DIS3L2: variants seen among roughly 807,000 people sequenced by gnomAD.
The protein encoded by DIS3L2 is DIS3-like exonuclease 2.
In DIS3L2, 34 loss-of-function variants were observed where a neutral mutation model predicts 97.5. That is an observed-to-expected ratio of 0.35 (90% CI 0.27 to 0.46). The LOEUF is 0.46. Ranked by LOEUF, DIS3L2 falls within the 20% of genes least tolerant of loss-of-function variation. The probability of loss-of-function intolerance (pLI) is 1.00; values close to 1 mark genes in which losing one functional copy is unlikely to be tolerated. For missense variants in DIS3L2, 1,038 were observed against 1,146.0 expected (o/e 0.91, Z 1.36); for synonymous variants, 435 against 445.2 (o/e 0.98, Z 0.29).
At chr2:232,166,479 A>G (rs935000209) in intron 9 of DIS3L2, among the ~76,000 whole-genome samples, 5 of 152,170 alleles carry the variant, frequency 3.3e-5, no homozygotes, top group Non-Finnish European at 7.4e-5. Context: ...TAATCCTAGC[A>G]CTTTGGAAGG....
At chr2:231,976,765 C>CTTTTTTT (rs34911392) in intron 1 of DIS3L2, among the ~76,000 whole-genome samples, 1 of 124,470 alleles carries the variant, frequency 8.0e-6, no homozygotes, top group Non-Finnish European at 1.7e-5. Context: ...AACACGAAGC[C>CTTTTTTT]TTTTTTTTTT....
chr2:232,136,122 A>G (rs909007590), intron 7 of DIS3L2, among the ~76,000 whole-genome samples: 1 of 152,208 alleles, frequency 6.6e-6, no homozygotes, highest in African/African-American at 2.4e-5. Flanking sequence ...TGTGTGAGAT[A>G]CTAGTATTGT....
intron 10 of DIS3L2, among the ~76,000 whole-genome samples, chr2:232,219,646 T>C (rs55989845): frequency 0.015 from 2,319 of 152,318 alleles, 21 homozygotes; most frequent in Non-Finnish European, 0.022. Flanking sequence ...TGCTGTTACT[T>C]CAGCTCTGTG....
In DIS3L2 at chr2:232,161,022, T is replaced by A. The variant is rs528744520; in HGVS notation, c.951-2437T>A. On this transcript the variant is annotated intron_variant, in intron 8 of 20. Coordinates refer to ENST00000325385, the MANE Select transcript of DIS3L2 (RefSeq NM_152383.5). ...AACCTCCGCCTCCCGGGTTCAAGCG[T>A]TTCTCCTGTCTAAGCCTCCAGAGTA... 5.4e-3 allele frequency among the ~76,000 whole-genome samples: 824 copies of A among 152,086 alleles called. 3 individuals carry two copies. The highest frequency in any genetic ancestry group is 9.4e-3 in the African/African-American group (390 of 41,492).
downstream of DIS3L2, among the ~76,000 whole-genome samples, chr2:232,338,363 G>C (rs1696031412): frequency 6.6e-6 from 1 of 152,166 alleles, no homozygotes; most frequent in Non-Finnish European, 1.5e-5. Flanking sequence ...GGAGTAGCCA[G>C]GGGGGTGAAC....
intron 10 of DIS3L2, among the ~76,000 whole-genome samples, chr2:232,238,332 T>A (rs1319746467): frequency 6.6e-6 from 1 of 152,136 alleles, no homozygotes. Flanking sequence ...TTCATCATCT[T>A]TTGCTATACA....
At chr2:232,040,524 C>T (rs1695080923) in intron 5 of DIS3L2, among the ~76,000 whole-genome samples, 1 of 152,182 alleles carries the variant, frequency 6.6e-6, no homozygotes, top group Non-Finnish European at 1.5e-5. Flanking sequence ...GTTCACCTCC[C>T]ATAACCATAG....
intron 13 of DIS3L2, among the ~76,000 whole-genome samples, chr2:232,270,903 T>TCG (rs1693986205): frequency 2.1e-5 from 3 of 145,828 alleles, no homozygotes; most frequent in African/African-American, 7.9e-5. Context: ...TCTCTCTCTC[T>TCG]CTCTCTCTCT....
intron 14 of DIS3L2, among the ~76,000 whole-genome samples, chr2:232,324,018 A>T (rs1163267301): frequency 6.6e-6 from 1 of 151,884 alleles, no homozygotes; most frequent in Non-Finnish European, 1.5e-5. Flanking sequence ...TGCTCCGTAG[A>T]CCCCTGCCTC....
intron 6 of DIS3L2, among the ~76,000 whole-genome samples, chr2:232,116,431 A>G (rs115678532): frequency 3.5e-3 from 529 of 152,198 alleles, no homozygotes; most frequent in African/African-American, 0.012. Context: ...AGACCCTTTC[A>G]TGGTCACTAT....
chr2:232,259,404 G>A lies in DIS3L2; in HGVS notation c.1426-3803G>A, dbSNP rs533737633. ...AGCTGCTGCTTTGGGCAAGTCTCAGGTAATCAATTTTAGGAATACCTTAGG... is the reference window on the plus strand; with the variant it reads ...AGCTGCTGCTTTGGGCAAGTCTCAGATAATCAATTTTAGGAATACCTTAGG... On this transcript the variant is annotated intron_variant, in intron 12 of 20. Coordinates refer to ENST00000325385, the MANE Select transcript of DIS3L2 (RefSeq NM_152383.5). Among the ~76,000 whole-genome samples, 18 of 152,246 alleles carry A rather than the reference G, an allele frequency of 1.2e-4. No homozygotes were observed. In the East Asian group the frequency reaches 3.5e-3, roughly 29 times the overall value.
At chr2:232,122,305 A>T (rs976620622) in intron 6 of DIS3L2, among the ~76,000 whole-genome samples, 1 of 152,204 alleles carries the variant, frequency 6.6e-6, no homozygotes, top group Non-Finnish European at 1.5e-5. Flanking sequence ...TTAACTCCTT[A>T]GGGTAAGTTA....
chr2:232,118,994 G>C (rs1402491833), intron 6 of DIS3L2, among the ~76,000 whole-genome samples: 1 of 152,152 alleles, frequency 6.6e-6, no homozygotes, highest in African/African-American at 2.4e-5. Context: ...TAGTCCTCCT[G>C]TTTTCAGGTC....
Position 232,153,972 on chromosome 2 carries a change from C to G in DIS3L2, c.951-9487C>G, listed in dbSNP as rs867794023. Among the ~76,000 whole-genome samples the G allele has an allele frequency of 6.9e-3, 1,019 of 147,326 alleles. 11 individuals are homozygous for G. The highest frequency in any genetic ancestry group is 0.024 in the African/African-American group (956 of 39,746). On this transcript the variant is annotated intron_variant, in intron 8 of 20. Transcript: ENST00000325385. Reference sequence around the variant, plus strand: ...TTCATTTCATCTTCCATTGCTGATACCCTTTCTTCCAGTTGATCGCATCGG... The same window carrying G: ...TTCATTTCATCTTCCATTGCTGATAGCCTTTCTTCCAGTTGATCGCATCGG...
rs138152170 is a variant in DIS3L2, at chr2:232,160,690, G to A, written c.951-2769G>A. ...CAGGAGTTCGAGTCCCAGCCTGGGC[G>A]ACGTGGCAAAACCCCATCTCTACAA... On this transcript the variant is annotated intron_variant, in intron 8 of 20. Coordinates refer to ENST00000325385, the MANE Select transcript of DIS3L2 (RefSeq NM_152383.5). 2.8e-3 allele frequency among the ~76,000 whole-genome samples: 429 copies of A among 151,976 alleles called. 3 individuals carry two copies. The highest frequency in any genetic ancestry group is 9.6e-3 in the African/African-American group (397 of 41,474).
chr2:232,337,200 A>G, downstream of DIS3L2: 4 of 990,862 alleles, frequency 4.0e-6, no homozygotes, highest in Non-Finnish European at 3.6e-6. Context: ...CAACACTGAG[A>G]GCGCCCCCAT....
At chr2:232,052,440 CAGTT>C (rs769859096) in intron 5 of DIS3L2, among the ~76,000 whole-genome samples, 6 of 152,180 alleles carry the variant, frequency 3.9e-5, no homozygotes, top group Non-Finnish European at 7.4e-5. Flanking sequence ...AACTATTTCT[CAGTT>C]AGTACCAGCT....
intron 1 of DIS3L2, among the ~76,000 whole-genome samples, chr2:231,983,136 G>C (rs1693309327): frequency 6.6e-6 from 1 of 152,172 alleles, no homozygotes. Flanking sequence ...TATTGGAAAA[G>C]TTATTTGAGA....
At position 232,158,768 on chromosome 2, in the gene DIS3L2, AC is replaced by A. The variant is rs373064144; in HGVS notation, c.951-4689del. Among the ~76,000 whole-genome samples the A allele has an allele frequency of 5.8e-3, 887 of 152,314 alleles. 2 individuals carry two copies. Among genetic ancestry groups the A allele is most frequent in the South Asian group, 0.024 (115 of 4,822 alleles). On this transcript the variant is annotated intron_variant, in intron 8 of 20. Coordinates refer to ENST00000325385, the MANE Select transcript of DIS3L2 (RefSeq NM_152383.5). ...TTAGGAGACGAATGTAGGAAACAGA[AC>A]CTCAGGGACCTGTGAGAATAATAAA...
Sources: gnomAD v4.1 joint callset for allele counts (sites outside exome capture counted in the v4.1 genomes callset) on GRCh38, gnomAD v4.1.1 for gene constraint, MANE v1.5 for transcripts, NCBI Gene and HGNC (gene_info 2026-07-23, HGNC 2026-07-21) for gene names.